The following ANO3 variants were observed in gnomAD, a reference collection of about 807,000 sequenced individuals.
ANO3 encodes the protein anoctamin-3.
A neutral mutation model predicts 144.8 loss-of-function variants in ANO3; 99 were observed. That is an observed-to-expected ratio of 0.68 (90% CI 0.58 to 0.81). The LOEUF (loss-of-function observed/expected upper bound fraction) is 0.81, where lower values mean the gene tolerates loss of function less well. Ranked by LOEUF, ANO3 falls within the 30% of genes least tolerant of loss-of-function variation. ANO3 has a pLI of 0.00. For synonymous variants in ANO3, 414 were observed against 392.6 expected (o/e 1.05, Z -0.64); for missense variants, 905 against 1,202.2 (o/e 0.75, Z 3.66).
At chr11:26,417,115 C>T (rs920562378) in intron 1 of ANO3, among the ~76,000 whole-genome samples, 6 of 152,046 alleles carry the variant, frequency 3.9e-5, no homozygotes, top group African/African-American at 1.4e-4. Context: ...TAAGGATACT[C>T]TTGTTCCCAT....
rs570305484 is a variant in ANO3 at position 26,366,549 on chromosome 11, C to T, written c.46+34228C>T. Among the ~76,000 whole-genome samples the T allele has an allele frequency of 2.1e-4, 32 of 152,222 alleles. 1 individual carries two copies. The highest frequency in any genetic ancestry group is 6.7e-4 in the African/African-American group (28 of 41,544). On this transcript the variant is annotated intron_variant, in intron 1 of 26. Coordinates refer to ENST00000256737, the MANE Select transcript of ANO3 (RefSeq NM_031418.4). ...TTCTAGTTCTAGATCCCTGAGGAAT[C>T]GCCACAGTCTTCCACAATGGTTGAA...
intron 1 of ANO3, among the ~76,000 whole-genome samples, chr11:26,207,260 A>G (rs1851816147): frequency 1.3e-5 from 2 of 152,218 alleles, no homozygotes; most frequent in African/African-American, 4.8e-5. Flanking sequence ...ATAAATAAGT[A>G]AAAGTATAAA....
At chr11:26,548,372 T>C (rs1849843538) in intron 12 of ANO3, among the ~76,000 whole-genome samples, 1 of 151,942 alleles carries the variant, frequency 6.6e-6, no homozygotes, top group Admixed American at 6.6e-5. Flanking sequence ...CACGAGTATA[T>C]TATCAACTTT....
chr11:26,257,457 C>T (rs75734178), intron 1 of ANO3, among the ~76,000 whole-genome samples: 2,794 of 152,170 alleles, frequency 0.018, 69 homozygotes, highest in East Asian at 0.12. Flanking sequence ...CCTGCACACT[C>T]AATGGTTCAG....
rs575659575 is a variant in ANO3 at position 26,277,597 on chromosome 11, T to C, written c.155-32048T>C. ...CTAGCCAAATTGAACTGCGCTAACC[T>C]AGAGAAGTCATATCTTTTCATAACT... On this transcript the variant is annotated intron_variant, in intron 1 of 27. Transcript: ENST00000672621. Among the ~76,000 whole-genome samples the C allele has an allele frequency of 9.2e-5, 14 of 152,134 alleles. No individual in the cohort carries two copies. The South Asian group carries it at 2.7e-3, about 29-fold the overall frequency.
chr11:26,535,827 C>T (rs1849495380), intron 9 of ANO3, among the ~76,000 whole-genome samples: 1 of 151,622 alleles, frequency 6.6e-6, no homozygotes, highest in African/African-American at 2.4e-5. Context: ...TGGTGATCTG[C>T]CCGCCTCAGC....
chr11:26,548,345 T>G (rs192232157), intron 12 of ANO3, among the ~76,000 whole-genome samples: 2 of 152,078 alleles, frequency 1.3e-5, no homozygotes, highest in African/African-American at 4.8e-5. Context: ...CTTAACAGCA[T>G]GTTCTATTTA....
chr11:26,231,995 T>C (rs1335755814), intron 1 of ANO3, among the ~76,000 whole-genome samples: 1 of 152,218 alleles, frequency 6.6e-6, no homozygotes, highest in Admixed American at 6.5e-5. Flanking sequence ...TATTTGCTTC[T>C]TCCCTTTCAA....
intron 17 of ANO3, among the ~76,000 whole-genome samples, chr11:26,620,772 A>G (rs1190158623): frequency 6.6e-6 from 1 of 152,126 alleles, no homozygotes; most frequent in Non-Finnish European, 1.5e-5. Context: ...AGTACACCTA[A>G]CTTTCCTTAA....
At chr11:26,467,767 T>C (rs1016227666) in intron 4 of ANO3, among the ~76,000 whole-genome samples, 1 of 151,916 alleles carries the variant, frequency 6.6e-6, no homozygotes, top group Admixed American at 6.6e-5. Flanking sequence ...ATTTCTTTTA[T>C]AAAACTTTTC....
intron 4 of ANO3, among the ~76,000 whole-genome samples, chr11:26,487,091 C>A (rs1860481262): frequency 6.6e-6 from 1 of 152,152 alleles, no homozygotes; most frequent in Admixed American, 6.5e-5. Flanking sequence ...AGTCTTTTAA[C>A]CCAAACACCA....
chr11:26,649,090 A>T (rs12292104), intron 24 of ANO3, among the ~76,000 whole-genome samples: 31,744 of 152,002 alleles, frequency 0.21, 3,500 homozygotes, highest in East Asian at 0.33. Flanking sequence ...GCCTTTTTTT[A>T]AAATTTTATA....
At chr11:26,258,890 C>T (rs1291350493) in intron 1 of ANO3, among the ~76,000 whole-genome samples, 5 of 152,130 alleles carry the variant, frequency 3.3e-5, no homozygotes, top group Non-Finnish European at 7.4e-5. Flanking sequence ...AATAGGTAGA[C>T]ACATCTTTCA....
chr11:26,359,080 A>G (rs2133922134), intron 1 of ANO3, among the ~76,000 whole-genome samples: 1 of 152,342 alleles, frequency 6.6e-6, no homozygotes, highest in South Asian at 2.1e-4. Context: ...ATTAGATTTC[A>G]AATTTTTCTG....
intron 1 of ANO3, among the ~76,000 whole-genome samples, chr11:26,232,689 A>AC (rs1852427211): frequency 6.6e-6 from 1 of 152,218 alleles, no homozygotes; most frequent in South Asian, 2.1e-4. Context: ...CTAGAAGAAA[A>AC]CCTAGGCAAT....
chr11:26,498,965 T>C (rs1185920627), intron 4 of ANO3, among the ~76,000 whole-genome samples: 3 of 151,960 alleles, frequency 2.0e-5, no homozygotes, highest in Middle Eastern at 3.2e-3. Context: ...ATTTGTACTG[T>C]CATATTCTAT....
At chr11:26,469,073 T>C (rs1353534472) in intron 4 of ANO3, among the ~76,000 whole-genome samples, 1 of 151,984 alleles carries the variant, frequency 6.6e-6, no homozygotes, top group African/African-American at 2.4e-5. Context: ...AATCTCGTCC[T>C]GTTTTCAGAG....
chr11:26,642,775 C>G (rs1167512798), intron 22 of ANO3, among the ~76,000 whole-genome samples: 2 of 151,102 alleles, frequency 1.3e-5, no homozygotes, highest in African/African-American at 4.9e-5. Context: ...AACTCCTCCT[C>G]CTTCTTCCTC....
At chr11:26,565,583 T>C in intron 14 of ANO3, 1 of 1,613,362 alleles carries the variant, frequency 6.2e-7, no homozygotes, top group Non-Finnish European at 8.5e-7. Context: ...AATGCTCTGC[T>C]GATGAGTTAC....
Sources: gnomAD v4.1 joint callset for allele counts (sites outside exome capture counted in the v4.1 genomes callset) on GRCh38, gnomAD v4.1.1 for gene constraint, MANE v1.5 for transcripts, NCBI Gene and HGNC (gene_info 2026-07-23, HGNC 2026-07-21) for gene names.